The following NCOA1 variants were observed in gnomAD, a reference collection of about 807,000 sequenced individuals.
NCOA1 encodes the protein nuclear receptor coactivator 1, also known as Hin-2 protein.
NCOA1 carries 35 observed loss-of-function variants against 150.9 expected under a neutral mutation model. The ratio of observed to expected loss-of-function variants is 0.23; its 90% confidence interval spans 0.18 to 0.31. The LOEUF (loss-of-function observed/expected upper bound fraction) is 0.31. NCOA1 is among the 10% of genes least tolerant of loss of function. The probability of loss-of-function intolerance (pLI) is 1.00; values close to 1 mark genes in which losing one functional copy is unlikely to be tolerated. For synonymous variants in NCOA1, 590 were observed against 630.0 expected (o/e 0.94, Z 0.95); for missense variants, 1,491 against 1,749.3 (o/e 0.85, Z 2.63).
chr2:24,549,947 AT>A (rs1401536405), intron 1 of NCOA1, among the ~76,000 whole-genome samples: 1 of 152,166 alleles, frequency 6.6e-6, no homozygotes, highest in Non-Finnish European at 1.5e-5. Flanking sequence ...TAGAAATTTC[AT>A]CCGCCAGATA....
intron 1 of NCOA1, among the ~76,000 whole-genome samples, chr2:24,560,271 G>A (rs1292720775): frequency 6.6e-6 from 1 of 152,030 alleles, no homozygotes; most frequent in African/African-American, 2.4e-5. Flanking sequence ...TTCTTTTTCT[G>A]TGACCTGCCA....
At chr2:24,594,692 C>G (rs1667817589) in intron 3 of NCOA1, among the ~76,000 whole-genome samples, 1 of 152,074 alleles carries the variant, frequency 6.6e-6, no homozygotes, top group Admixed American at 6.6e-5. Context: ...CTTTCCTTCT[C>G]TATGATAAGT....
chr2:24,678,831 G>A (rs960156844), intron 7 of NCOA1, among the ~76,000 whole-genome samples: 2 of 152,136 alleles, frequency 1.3e-5, no homozygotes, highest in Admixed American at 1.3e-4. Flanking sequence ...CCATTCTTTA[G>A]GTTGTTCACT....
chr2:24,745,157 CTTTTTT>C (rs201221705), intron 19 of NCOA1, among the ~76,000 whole-genome samples: 1 of 131,672 alleles, frequency 7.6e-6, no homozygotes, highest in African/African-American at 2.8e-5. Context: ...TTTCTTTTTT[CTTTTTT>C]TTTTTTTTTT....
chr2:24,502,522 T>C (rs1663507947), intron 1 of NCOA1, among the ~76,000 whole-genome samples: 2 of 152,332 alleles, frequency 1.3e-5, no homozygotes, highest in Admixed American at 1.3e-4. Context: ...TTAATGGTAC[T>C]GTTTTGCTCA....
chr2:24,683,597 A>G (rs918129841), intron 8 of NCOA1, among the ~76,000 whole-genome samples: 3 of 152,150 alleles, frequency 2.0e-5, no homozygotes, highest in Admixed American at 2.0e-4. Context: ...AGCTGAGAGG[A>G]TGGATGGAGT....
intron 1 of NCOA1, among the ~76,000 whole-genome samples, chr2:24,552,514 T>C (rs1185013163): frequency 6.6e-6 from 1 of 150,950 alleles, no homozygotes; most frequent in Non-Finnish European, 1.5e-5. Context: ...TACAGGCATG[T>C]GCCACCACAC....
At chr2:24,551,785 T>C (rs567804497) in intron 1 of NCOA1, among the ~76,000 whole-genome samples, 36 of 152,340 alleles carry the variant, frequency 2.4e-4, no homozygotes, top group Non-Finnish European at 4.6e-4. Flanking sequence ...GAATTTTTTC[T>C]ATTTAGGTCT....
At chr2:24,683,234 ATGT>A in intron 8 of NCOA1, 106 bp downstream of exon 8, 2 of 607,218 alleles carry the variant, frequency 3.3e-6, no homozygotes, top group Non-Finnish European at 4.7e-6. Flanking sequence ...AGTATTATAT[ATGT>A]TATAATATGT....
rs1297582140 is a variant in NCOA1, at chr2:24,707,076, A to G, written c.1606A>G (p.Ile536Val). The stretch of plus-strand genomic sequence containing the variant: ...TAATAATAACCGATCTTATTCAAAC[A>G]TCCCAGTAACATCTTTACAGGGTAT... ...CNNNNRSYSN[I>V]PVTSLQGMNE... Residue 536 changes from isoleucine to valine, a missense_variant, in exon 13 of 23, where the codon ATC (isoleucine) becomes GTC (valine). This residue lies in a region of NCOA1 where 703 missense variants were observed against 717.7 expected (regional missense o/e 0.98). Coordinates refer to ENST00000348332, the MANE Select transcript of NCOA1 (RefSeq NM_003743.5). 6.2e-7 allele frequency: 1 copy of G among 1,614,180 alleles called. No individual in the cohort carries two copies.
In NCOA1 at chr2:24,729,616, C is replaced by T; in HGVS notation, c.3002C>T (p.Thr1001Ile). 6.2e-7 allele frequency: 1 copy of T among 1,614,214 alleles called. No individual in the cohort carries two copies. The highest frequency in any genetic ancestry group is 8.5e-7 in the Non-Finnish European group (1 of 1,180,038). ...YSQPYSSPSPTANLPSPFQGM... is the reference protein window; with the variant it reads ...YSQPYSSPSPIANLPSPFQGM... The stretch of plus-strand genomic sequence containing the variant: ...CAGCCTTACTCTTCTCCTTCTCCTA[C>T]TGCCAATCTCCCTAGCCCTTTCCAA... The change falls in exon 17 of 23, where the codon ACT becomes ATT. Residue 1001 changes from threonine to isoleucine, a missense_variant. By Grantham distance (89) the Thr-to-Ile change is moderately conservative. Transcript: ENST00000348332.
intron 1 of NCOA1, among the ~76,000 whole-genome samples, chr2:24,509,215 C>T (rs1663826894): frequency 6.6e-6 from 1 of 152,150 alleles, no homozygotes; most frequent in Admixed American, 6.5e-5. Context: ...ATCCTGTAAG[C>T]CAGACATTAT....
chr2:24,533,147 G>C (rs1326644807), intron 1 of NCOA1, among the ~76,000 whole-genome samples: 7 of 151,984 alleles, frequency 4.6e-5, no homozygotes, highest in East Asian at 3.9e-4. Flanking sequence ...GTTTGTAGTT[G>C]TCCTTGAAGA....
At chr2:24,570,640 C>T (rs138002664) in intron 2 of NCOA1, among the ~76,000 whole-genome samples, 2 of 152,274 alleles carry the variant, frequency 1.3e-5, no homozygotes, top group East Asian at 1.9e-4. Context: ...CGGGCAGAAA[C>T]GGACATTAGC....
chr2:24,633,242 ACATT>A (rs1669787265), intron 3 of NCOA1, among the ~76,000 whole-genome samples: 1 of 152,144 alleles, frequency 6.6e-6, no homozygotes, highest in Non-Finnish European at 1.5e-5. Flanking sequence ...TTAAAAAAAA[ACATT>A]CAGAGAACAA....
At chr2:24,661,905 G>C (rs1195315878) in intron 5 of NCOA1, among the ~76,000 whole-genome samples, 1 of 152,016 alleles carries the variant, frequency 6.6e-6, no homozygotes, top group Non-Finnish European at 1.5e-5. Flanking sequence ...TGTGTATATA[G>C]CATCATTACA....
intron 19 of NCOA1, among the ~76,000 whole-genome samples, chr2:24,748,988 C>G (rs962297007): frequency 2.6e-5 from 4 of 152,140 alleles, no homozygotes; most frequent in African/African-American, 9.7e-5. Flanking sequence ...ATAACTTTCT[C>G]TTCCTTAAAA....
chr2:24,519,896 A>G (rs546668298), intron 1 of NCOA1, among the ~76,000 whole-genome samples: 2 of 152,350 alleles, frequency 1.3e-5, no homozygotes, highest in East Asian at 3.9e-4. Flanking sequence ...TCCAGAATAT[A>G]TAGAGTTATC....
intron 19 of NCOA1, among the ~76,000 whole-genome samples, chr2:24,747,327 C>CTTTTTTTTTT (rs148901218): frequency 5.8e-5 from 7 of 120,168 alleles, no homozygotes; most frequent in African/African-American, 9.4e-5. Flanking sequence ...TTATTTTTCT[C>CTTTTTTTTTT]TTTTTTTTTT....
Sources: allele counts gnomAD v4.1 joint callset (sites outside exome capture counted in the v4.1 genomes callset), GRCh38; gene constraint gnomAD v4.1.1; regional missense constraint gnomAD v4.1.1; transcripts MANE v1.5; gene names NCBI Gene and HGNC (gene_info 2026-07-23, HGNC 2026-07-21).